The following AGO3 variants were observed in gnomAD, a reference collection of about 807,000 sequenced individuals.
AGO3 encodes the protein argonaute RISC catalytic component 3.
AGO3 carries 16 observed loss-of-function variants against 105.5 expected under a neutral mutation model. The ratio of observed to expected loss-of-function variants is 0.15; its 90% CI spans 0.10 to 0.23. The LOEUF is 0.23. AGO3 is among the 10% of genes least tolerant of loss of function. The pLI is 1.00. For synonymous variants in AGO3, 340 were observed against 367.3 expected, an observed-to-expected ratio of 0.93 and a Z score of 0.85; for missense variants, 534 against 1,088.0, an observed-to-expected ratio of 0.49 and a Z score of 7.16.
chr1:36,052,908 A>T (rs1642775959), intron 17 of AGO3, among the ~76,000 whole-genome samples: 1 of 152,240 alleles, frequency 6.6e-6, no homozygotes, highest in African/African-American at 2.4e-5. Flanking sequence ...GCTACTCCGG[A>T]GGCTGAGGGG....
In AGO3 at chr1:36,068,597, CT is replaced by C. The variant is rs1372689146; in HGVS notation, c.*12854del. ...ATATTCTTAAAGAAAATTAATATAG[CT>C]TATGGTTTTGATAAATTGGACTCTG... On this transcript the variant is annotated 3_prime_UTR_variant, in exon 19 of 19. Transcript: ENST00000373191. 1 of 152,100 alleles carries C rather than the reference CT, an allele frequency of 6.6e-6. No homozygotes were observed. Among genetic ancestry groups the C allele is most frequent in the Non-Finnish European group, 1.5e-5 (1 of 68,024 alleles). The allele number at this position is 152,100 out of a possible 1,614,324, so 9.4% of individuals were successfully genotyped here.
At position 35,972,332 on chromosome 1, in the gene AGO3, T is replaced by C. The variant is rs540858839; in HGVS notation, c.521+100T>C. Reference sequence around the variant, plus strand: ...ACCTTTATTTGTCATATATTTTGATTGTTCAACTGAAATGTTGAACAAGAA... The same window carrying C: ...ACCTTTATTTGTCATATATTTTGATCGTTCAACTGAAATGTTGAACAAGAA... On this transcript the variant is annotated intron_variant, in intron 4 of 18. Coordinates refer to ENST00000373191, the MANE Select transcript of AGO3 (RefSeq NM_024852.4). 3.1e-6 allele frequency: 4 copies of C among 1,300,206 alleles called. No individual in the cohort carries two copies. The African/African-American group carries it at 4.5e-5, about 14-fold the overall frequency. 80.5% of individuals were successfully genotyped at this position (1,300,206 alleles called of 1,614,324 possible). A position where few individuals can be genotyped will look rare whatever the true frequency, so the allele number is the denominator to read the frequency against.
At chr1:35,955,306 C>T (rs773947770) in intron 2 of AGO3, among the ~76,000 whole-genome samples, 1 of 152,148 alleles carries the variant, frequency 6.6e-6, no homozygotes, top group African/African-American at 2.4e-5. Flanking sequence ...ATTGATCACA[C>T]GTCCCCATTA....
At chr1:35,939,352 GGTAAA>G (rs1443588048) in intron 1 of AGO3, among the ~76,000 whole-genome samples, 4 of 152,074 alleles carry the variant, frequency 2.6e-5, no homozygotes, top group Non-Finnish European at 5.9e-5. Flanking sequence ...AAAAGCACCA[GGTAAA>G]GTAATGACCA....
At chr1:35,953,240 G>A (rs1646505023) in intron 2 of AGO3, among the ~76,000 whole-genome samples, 1 of 151,582 alleles carries the variant, frequency 6.6e-6, no homozygotes, top group South Asian at 2.1e-4. Context: ...ACCAGCCTGA[G>A]CAATGTAGCA....
At chr1:35,976,995 TGTTTG>T (rs1420588425) in intron 5 of AGO3, among the ~76,000 whole-genome samples, 1 of 152,098 alleles carries the variant, frequency 6.6e-6, no homozygotes, top group Non-Finnish European at 1.5e-5. Context: ...TGCCGTTTTT[TGTTTG>T]GTTTGGTTTG....
At chr1:36,045,014 T>C (rs898837978) in intron 17 of AGO3, among the ~76,000 whole-genome samples, 4 of 152,224 alleles carry the variant, frequency 2.6e-5, no homozygotes, top group Admixed American at 2.6e-4. Flanking sequence ...GTCCCACATA[T>C]ACGAACCTGT....
chr1:36,024,563 C>CA (rs1641406575), intron 11 of AGO3, among the ~76,000 whole-genome samples: 1 of 152,158 alleles, frequency 6.6e-6, no homozygotes, highest in Non-Finnish European at 1.5e-5. Flanking sequence ...TTTCTGCTGT[C>CA]ACGCTTGTTT....
chr1:36,015,284 AT>A (rs1205647567), intron 11 of AGO3, among the ~76,000 whole-genome samples: 1 of 152,210 alleles, frequency 6.6e-6, no homozygotes, highest in Non-Finnish European at 1.5e-5. Flanking sequence ...AGGGTGAGGT[AT>A]GGGGACGGAG....
chr1:36,024,065 C>T (rs958618067), intron 11 of AGO3, among the ~76,000 whole-genome samples: 5 of 151,850 alleles, frequency 3.3e-5, no homozygotes, highest in Non-Finnish European at 7.4e-5. Context: ...GGAAGATTTC[C>T]TGTACCTTTA....
rs1389233473 is a variant in AGO3, at chr1:36,027,709, G to A, written c.1591+411G>A. ...CAGGAGAATGGCGTGAACCCAGGAGGTGGAGCTTGCAGTGAGCCGAGATCG... is the reference window on the plus strand; with the variant it reads ...CAGGAGAATGGCGTGAACCCAGGAGATGGAGCTTGCAGTGAGCCGAGATCG... On this transcript the variant is annotated intron_variant, in intron 12 of 18. Coordinates refer to ENST00000373191, the MANE Select transcript of AGO3 (RefSeq NM_024852.4). The surrounding 1 kb of genome is among the most constrained non-coding windows in gnomAD (Gnocchi z 4.0). Among the ~76,000 whole-genome samples the A allele has an allele frequency of 5.5e-4, 84 of 151,966 alleles. No individual in the cohort carries two copies. The highest frequency in any genetic ancestry group is 5.5e-3 in the Admixed American group (84 of 15,246).
At chr1:35,932,481 G>A (rs1646070324) in intron 1 of AGO3, among the ~76,000 whole-genome samples, 1 of 151,798 alleles carries the variant, frequency 6.6e-6, no homozygotes, top group Admixed American at 6.6e-5. Context: ...TAAGAACTTT[G>A]TTGAATAGAT....
chr1:36,003,364 C>A (rs1373695536), intron 5 of AGO3, among the ~76,000 whole-genome samples: 2 of 152,058 alleles, frequency 1.3e-5, no homozygotes, highest in African/African-American at 4.8e-5. Flanking sequence ...AAAAAACCAC[C>A]CACTGCTCAA....
intron 5 of AGO3, among the ~76,000 whole-genome samples, chr1:35,989,484 T>C: frequency 6.6e-6 from 1 of 152,222 alleles, no homozygotes; most frequent in South Asian, 2.1e-4. Context: ...ATCAATGGCA[T>C]CTTAGATTTG....
intron 9 of AGO3, 90 bp from the exon 10 acceptor site, chr1:36,013,540 A>G (rs1372858644): frequency 1.3e-6 from 2 of 1,505,990 alleles, no homozygotes; most frequent in Non-Finnish European, 1.8e-6. Context: ...TATTATGGAC[A>G]CAGTGAAGAA....
At chr1:35,945,427 G>A (rs1335767373) in intron 1 of AGO3, among the ~76,000 whole-genome samples, 1 of 151,978 alleles carries the variant, frequency 6.6e-6, no homozygotes, top group African/African-American at 2.4e-5. Flanking sequence ...CTTGCTCATG[G>A]TCAGCTTGGT....
chr1:36,002,433 G>A (rs567842940), intron 5 of AGO3, among the ~76,000 whole-genome samples: 3 of 149,404 alleles, frequency 2.0e-5, no homozygotes, highest in South Asian at 2.1e-4. Context: ...AGGTTCAAGC[G>A]ATTCTCATGC....
chr1:36,039,677 T>C, intron 14 of AGO3, 113 bp from the exon 15 acceptor site: 1 of 767,774 alleles, frequency 1.3e-6, no homozygotes, highest in Middle Eastern at 4.4e-4. Context: ...ACTTTCAAAG[T>C]AAACAGTGAT....
At chr1:36,033,106 C>A (rs1641855254) in intron 12 of AGO3, among the ~76,000 whole-genome samples, 2 of 151,760 alleles carry the variant, frequency 1.3e-5, no homozygotes, top group South Asian at 4.2e-4. Flanking sequence ...GCACTCCAGC[C>A]CTGGGCAACA....
Sources: gnomAD v4.1 joint callset for allele counts (sites outside exome capture counted in the v4.1 genomes callset) on GRCh38, gnomAD v4.1.1 for gene constraint, Gnocchi (gnomAD v3.1) non-coding constraint, MANE v1.5 for transcripts, NCBI Gene and HGNC (gene_info 2026-07-23, HGNC 2026-07-21) for gene names.